Variants in CBL observed in about 807,000 individuals in gnomAD.
CBL encodes the protein E3 ubiquitin-protein ligase CBL.
In CBL, 45 loss-of-function variants were observed where a neutral mutation model predicts 96.9. The ratio of observed to expected loss-of-function variants is 0.46; its 90% CI spans 0.37 to 0.60. CBL has a LOEUF of 0.60. Ranked by LOEUF, CBL falls within the 20% of genes least tolerant of loss-of-function variation. CBL has a pLI of 0.00. For missense variants in CBL, 1,024 were observed against 1,143.5 expected (o/e 0.90, Z 1.51); for synonymous variants, 420 against 426.8 (o/e 0.98, Z 0.20).
At chr11:119,297,356 T>A (rs1950071263) in intron 13 of CBL, 28 bp from the exon 14 acceptor site, 3 of 1,525,852 alleles carry the variant, frequency 2.0e-6, no homozygotes, top group Non-Finnish European at 2.7e-6. Flanking sequence ...TTTCCAAAGA[T>A]CATTATGGCA....
At position 119,278,777 on chromosome 11, in the gene CBL, A is replaced by G. The variant is rs1381234022; in HGVS notation, c.1431+64A>G. The G allele has an allele frequency of 4.1e-6, 5 of 1,224,202 alleles. No homozygotes were observed. In the Admixed American group the frequency reaches 6.9e-5, roughly 17 times the overall value. The allele number at this position is 1,224,202 out of a possible 1,614,324, so 75.8% of individuals were successfully genotyped here. On this transcript the variant is annotated intron_variant, in intron 9 of 15. Coordinates refer to ENST00000264033, the MANE Select transcript of CBL (RefSeq NM_005188.4). ...GAGTTGTCTTCTAAAGCCGTAAAAC[A>G]CTTAACGATATCCAAACTACAATGA...
intron 5 of CBL, 115 bp from the exon 6 acceptor site, chr11:119,275,882 G>C: frequency 9.4e-7 from 1 of 1,067,244 alleles, no homozygotes; most frequent in Non-Finnish European, 1.5e-6. Flanking sequence ...AGAAAGAAAG[G>C]AAGAAAGTTA....
At chr11:119,296,120 T>C (rs1433395028) in intron 12 of CBL, among the ~76,000 whole-genome samples, 1 of 152,190 alleles carries the variant, frequency 6.6e-6, no homozygotes, top group East Asian at 1.9e-4. Flanking sequence ...ATGTGTTGCT[T>C]TTATAATTAG....
At chr11:119,229,813 C>T (rs1565859103) in intron 1 of CBL, among the ~76,000 whole-genome samples, 1 of 151,768 alleles carries the variant, frequency 6.6e-6, no homozygotes, top group Non-Finnish European at 1.5e-5. Context: ...CTGCAACTTC[C>T]ACCTCCTGGG....
At chr11:119,242,013 GACAGTA>G (rs1949590030) in intron 2 of CBL, among the ~76,000 whole-genome samples, 1 of 152,222 alleles carries the variant, frequency 6.6e-6, no homozygotes. Flanking sequence ...ATTTTACAGT[GACAGTA>G]TTGGCTGCTG....
At chr11:119,230,239 C>A (rs1162281373) in intron 1 of CBL, among the ~76,000 whole-genome samples, 1 of 151,822 alleles carries the variant, frequency 6.6e-6, no homozygotes, top group Non-Finnish European at 1.5e-5. Flanking sequence ...GCAAGCTCCG[C>A]CTCCTGGGTT....
chr11:119,248,705 C>T (rs968570887), intron 2 of CBL, among the ~76,000 whole-genome samples: 2 of 152,150 alleles, frequency 1.3e-5, no homozygotes. Context: ...AAAGGCAGCA[C>T]ACAGAATGGG....
At chr11:119,217,969 C>T (rs1275147627) in intron 1 of CBL, among the ~76,000 whole-genome samples, 1 of 151,940 alleles carries the variant, frequency 6.6e-6, no homozygotes, top group African/African-American at 2.4e-5. Context: ...CCCAGATACT[C>T]AGGAGGCTGA....
At chr11:119,275,965 C>T in intron 5 of CBL, 32 bp from the exon 6 acceptor site, 1 of 1,611,330 alleles carries the variant, frequency 6.2e-7, no homozygotes, top group Non-Finnish European at 8.5e-7. Flanking sequence ...CCAGCATAAT[C>T]TACTAAAGCT....
intron 3 of CBL, among the ~76,000 whole-genome samples, chr11:119,272,259 C>A (rs569549637): frequency 6.1e-4 from 93 of 152,078 alleles, no homozygotes; most frequent in Non-Finnish European, 5.6e-4. Flanking sequence ...GTCGCTGGGA[C>A]TATAGGTGCC....
intron 2 of CBL, among the ~76,000 whole-genome samples, chr11:119,268,441 T>A (rs1233283362): frequency 6.6e-6 from 1 of 152,148 alleles, no homozygotes; most frequent in Non-Finnish European, 1.5e-5. Context: ...AGTAAGATGG[T>A]GTTGTCATTA....
chr11:119,225,451 T>C (rs1592374206), intron 1 of CBL, among the ~76,000 whole-genome samples: 1 of 151,988 alleles, frequency 6.6e-6, no homozygotes, highest in Admixed American at 6.6e-5. Context: ...CAGGCTGGAG[T>C]GTGGTGATGC....
rs1592400852 is a variant in CBL at position 119,278,226 on chromosome 11, G to A, written c.1156G>A (p.Glu386Lys). 1 of 1,612,246 alleles carries A rather than the reference G, an allele frequency of 6.2e-7. No individual in the cohort carries two copies. The highest frequency in any genetic ancestry group is 8.5e-7 in the Non-Finnish European group (1 of 1,178,392). Reference protein sequence around the residue: ...STFQLCKICAENDKDVKIEPC... With the variant: ...STFQLCKICAKNDKDVKIEPC... The stretch of plus-strand genomic sequence containing the variant: ...ATTCCAACTATGTAAAATATGTGCT[G>A]AAAATGATAAGGATGTAAAGATTGA... Residue 386 changes from glutamate to lysine, a missense_variant, in exon 8 of 16, where the codon GAA (glutamate) becomes AAA (lysine). By Grantham distance (56) the Glu-to-Lys change is moderately conservative. This residue lies in a region of CBL where 695 missense variants were observed against 661.6 expected (regional missense o/e 1.05). Transcript: ENST00000264033.
In CBL at chr11:119,260,444, A is replaced by G. The variant is rs142310216; in HGVS notation, c.444-11291A>G. Among the ~76,000 whole-genome samples, 1,129 of 152,032 alleles carry G rather than the reference A, an allele frequency of 7.4e-3. 11 individuals carry two copies. Among genetic ancestry groups the G allele is most frequent in the African/African-American group, 0.022 (914 of 41,468 alleles). On this transcript the variant is annotated intron_variant, in intron 2 of 15. Coordinates refer to ENST00000264033, the MANE Select transcript of CBL (RefSeq NM_005188.4). Reference sequence around the variant, plus strand: ...TTTTTAGTAGAGATGGGGTTTTACCATGTTGACCAGGCTGGTCGGCTCAGC... The same window carrying G: ...TTTTTAGTAGAGATGGGGTTTTACCGTGTTGACCAGGCTGGTCGGCTCAGC...
intron 2 of CBL, among the ~76,000 whole-genome samples, chr11:119,237,361 G>A (rs1181024753): frequency 6.6e-6 from 1 of 152,094 alleles, no homozygotes; most frequent in Non-Finnish European, 1.5e-5. Flanking sequence ...CCATTCTGTG[G>A]GTCATCTTTT....
chr11:119,247,355 G>A (rs1160103798), intron 2 of CBL, among the ~76,000 whole-genome samples: 3 of 152,152 alleles, frequency 2.0e-5, no homozygotes, highest in African/African-American at 7.2e-5. Flanking sequence ...AAGAAAAGAA[G>A]CCTAATTGCT....
At chr11:119,209,830 T>C (rs1413778652) in intron 1 of CBL, among the ~76,000 whole-genome samples, 1 of 152,342 alleles carries the variant, frequency 6.6e-6, no homozygotes, top group East Asian at 1.9e-4. Flanking sequence ...GCATAAGTCA[T>C]GGGTTCTGGT....
At chr11:119,274,680 C>T (rs2135299807) in intron 4 of CBL, 152 bp from the exon 5 acceptor site, 1 of 728,426 alleles carries the variant, frequency 1.4e-6, no homozygotes, top group Non-Finnish European at 2.4e-6. Flanking sequence ...TTTTAATCTC[C>T]TGAACACATG....
intron 1 of CBL, among the ~76,000 whole-genome samples, chr11:119,229,313 G>T (rs570386946): frequency 1.1e-4 from 16 of 152,246 alleles, no homozygotes; most frequent in African/African-American, 3.1e-4. Flanking sequence ...GTTATCTTCC[G>T]AGGTGGAGTC....
Sources: gnomAD v4.1 joint callset for allele counts (sites outside exome capture counted in the v4.1 genomes callset) on GRCh38, gnomAD v4.1.1 for gene constraint, gnomAD v4.1.1 regional missense constraint, MANE v1.5 for transcripts, NCBI Gene and HGNC (gene_info 2026-07-23, HGNC 2026-07-21) for gene names.